CEP128: variants seen among roughly 807,000 people sequenced by gnomAD.
CEP128 encodes the protein centrosomal protein 128, also known as centrosomal protein 128kDa.
A neutral mutation model predicts 156.7 loss-of-function variants in CEP128; 132 were observed. The observed-to-expected ratio is 0.84, with a 90% CI of 0.73 to 0.97. The LOEUF (loss-of-function observed/expected upper bound fraction) is 0.97. Among genes scored for constraint, CEP128 ranks in the 50% least tolerant of loss-of-function variants. CEP128 has a pLI of 0.00. For missense variants in CEP128, 1,252 were observed against 1,281.9 expected (o/e 0.98, Z 0.36); for synonymous variants, 469 against 448.9 (o/e 1.04, Z -0.57).
intron 20 of CEP128, among the ~76,000 whole-genome samples, chr14:80,564,479 T>C (rs910654617): frequency 1.3e-5 from 2 of 152,214 alleles, no homozygotes; most frequent in African/African-American, 4.8e-5. Flanking sequence ...TAAAAAGATG[T>C]ATTTTAACTT....
At chr14:80,857,216 T>C (rs1595505188) in intron 9 of CEP128, among the ~76,000 whole-genome samples, 1 of 29,180 alleles carries the variant, frequency 3.4e-5, no homozygotes, top group Non-Finnish European at 9.3e-5. Flanking sequence ...TGGTTTTGGC[T>C]TTTTTTTTTT....
At chr14:80,568,114 A>G (rs1445529903) in intron 20 of CEP128, among the ~76,000 whole-genome samples, 1 of 152,158 alleles carries the variant, frequency 6.6e-6, no homozygotes, top group African/African-American at 2.4e-5. Flanking sequence ...TTTCATTTTC[A>G]GGTACACAAA....
chr14:80,920,257 G>A (rs775967404), intron 2 of CEP128, among the ~76,000 whole-genome samples: 16 of 152,160 alleles, frequency 1.1e-4, no homozygotes, highest in African/African-American at 3.6e-4. Context: ...AAGAATCTCC[G>A]ATCTATCATC....
intron 19 of CEP128, among the ~76,000 whole-genome samples, chr14:80,704,987 G>C (rs985702860): frequency 6.6e-6 from 1 of 151,632 alleles, no homozygotes; most frequent in Non-Finnish European, 1.5e-5. Flanking sequence ...ATTCCAATAA[G>C]TCTGAAGCAA....
chr14:80,938,886 T>C (rs1040557741), intron 2 of CEP128, among the ~76,000 whole-genome samples: 38 of 152,244 alleles, frequency 2.5e-4, no homozygotes, highest in African/African-American at 7.7e-4. Context: ...CCAAAAATGT[T>C]AAGTGTGAAT....
At position 80,872,344 on chromosome 14, in the gene CEP128, A is replaced by T. The variant is rs1011298674; in HGVS notation, c.646-9471T>A. 8.5e-5 allele frequency among the ~76,000 whole-genome samples: 13 copies of T among 152,328 alleles called. No individual in the cohort carries two copies. The South Asian group carries it at 1.7e-3, about 19-fold the overall frequency. On this transcript the variant is annotated intron_variant, in intron 8 of 24. Transcript: ENST00000555265. Reference sequence around the variant, plus strand: ...CTATAAACAATAACTCTTCCCTTCCAATGGACAATTTGACATTAGCAAAAA... The same window carrying T: ...CTATAAACAATAACTCTTCCCTTCCTATGGACAATTTGACATTAGCAAAAA...
At chr14:80,828,122 TC>T (rs1410650474) in intron 13 of CEP128, among the ~76,000 whole-genome samples, 122 of 143,942 alleles carry the variant, frequency 8.5e-4, no homozygotes, top group African/African-American at 3.3e-3. Flanking sequence ...GCTTCTTTTT[TC>T]TTTTTTTTTT....
At chr14:80,892,796 G>C (rs1889164794) in intron 8 of CEP128, among the ~76,000 whole-genome samples, 1 of 151,766 alleles carries the variant, frequency 6.6e-6, no homozygotes, top group Non-Finnish European at 1.5e-5. Context: ...ATATCAAAAG[G>C]TATTTAACAT....
intron 19 of CEP128, among the ~76,000 whole-genome samples, chr14:80,662,085 T>C (rs1487501224): frequency 6.6e-6 from 1 of 152,164 alleles, no homozygotes; most frequent in Non-Finnish European, 1.5e-5. Flanking sequence ...CTCAGCTGAA[T>C]GCGTGGGAAA....
chr14:80,946,693 G>A (rs1402854638), upstream of CEP128, among the ~76,000 whole-genome samples: 1 of 152,194 alleles, frequency 6.6e-6, no homozygotes, highest in Non-Finnish European at 1.5e-5. Flanking sequence ...GTAAGAAGCT[G>A]TGGGTGGCAG....
chr14:80,893,834 CT>C (rs1889220838), intron 8 of CEP128, among the ~76,000 whole-genome samples: 1 of 151,752 alleles, frequency 6.6e-6, no homozygotes, highest in Non-Finnish European at 1.5e-5. Flanking sequence ...GACAAATAAA[CT>C]AGGGGATTAA....
chr14:80,862,950 T>C (rs1296164782), intron 8 of CEP128, 77 bp from the exon 9 acceptor site: 9 of 996,950 alleles, frequency 9.0e-6, no homozygotes, highest in Non-Finnish European at 1.3e-5. Flanking sequence ...GATAGTTTTA[T>C]AGCAGATACA....
chr14:80,727,229 G>A (rs1411188310), intron 19 of CEP128, among the ~76,000 whole-genome samples: 3 of 152,102 alleles, frequency 2.0e-5, no homozygotes, highest in Non-Finnish European at 2.9e-5. Flanking sequence ...CTAGCAGAGA[G>A]GGGAATCATG....
intron 13 of CEP128, among the ~76,000 whole-genome samples, chr14:80,815,962 G>A (rs1478998334): frequency 3.9e-5 from 6 of 152,072 alleles, no homozygotes; most frequent in Non-Finnish European, 7.4e-5. Flanking sequence ...GAGGGTGGGA[G>A]GGAAGTTTGA....
At chr14:80,757,714 A>G (rs1437531551) in intron 17 of CEP128, among the ~76,000 whole-genome samples, 1 of 152,190 alleles carries the variant, frequency 6.6e-6, no homozygotes, top group Non-Finnish European at 1.5e-5. Flanking sequence ...CTCTCTCTCT[A>G]CAAGGAGAAG....
intron 17 of CEP128, among the ~76,000 whole-genome samples, chr14:80,758,680 T>A (rs191585456): frequency 4.6e-5 from 7 of 152,224 alleles, no homozygotes; most frequent in African/African-American, 1.4e-4. Flanking sequence ...CATTTGTCAT[T>A]AAAAATATAA....
chr14:80,686,096 AATTG>A (rs934923983), intron 19 of CEP128, among the ~76,000 whole-genome samples: 42 of 152,186 alleles, frequency 2.8e-4, no homozygotes, highest in Admixed American at 2.7e-3. Context: ...ACAAAAACAA[AATTG>A]ATTGGGGACT....
chr14:80,480,458 G>T (rs1887030095), intron 14 of CEP128, among the ~76,000 whole-genome samples: 1 of 152,056 alleles, frequency 6.6e-6, no homozygotes. Flanking sequence ...TTTCAGCCAT[G>T]GCTGGAGTGG....
intron 13 of CEP128, among the ~76,000 whole-genome samples, chr14:80,819,737 G>C (rs577136506): frequency 2.6e-5 from 4 of 152,138 alleles, no homozygotes; most frequent in Non-Finnish European, 4.4e-5. Flanking sequence ...GTTGTTCTAG[G>C]AAAACCAACA....
Sources: allele counts gnomAD v4.1 joint callset (sites outside exome capture counted in the v4.1 genomes callset), GRCh38; gene constraint gnomAD v4.1.1; transcripts MANE v1.5; gene names NCBI Gene and HGNC (gene_info 2026-07-23, HGNC 2026-07-21).